Variants in R3HDM1 observed in about 807,000 individuals in gnomAD.
R3HDM1 encodes R3H domain containing 1, also known as R3H domain-containing protein 1.
R3HDM1 carries 46 observed loss-of-function variants against 141.1 expected under a neutral mutation model. The ratio of observed to expected loss-of-function variants is 0.33; its 90% CI spans 0.26 to 0.42. R3HDM1 has a LOEUF of 0.42. R3HDM1 is among the 10% of genes least tolerant of loss of function. R3HDM1 has a pLI of 1.00. For missense variants in R3HDM1, 1,184 were observed against 1,368.3 expected, an observed-to-expected ratio of 0.87 and a Z score of 2.12; for synonymous variants, 435 against 472.9, an observed-to-expected ratio of 0.92 and a Z score of 1.04.
At chr2:135,683,704 A>G (rs2070757246) in intron 21 of R3HDM1, among the ~76,000 whole-genome samples, 1 of 152,140 alleles carries the variant, frequency 6.6e-6, no homozygotes. Context: ...TCACCATAAT[A>G]TTTCAAGTTT....
At chr2:135,663,640 C>G (rs1396960722) in intron 19 of R3HDM1, among the ~76,000 whole-genome samples, 5 of 152,090 alleles carry the variant, frequency 3.3e-5, no homozygotes, top group Non-Finnish European at 4.4e-5. Context: ...TGTATTGAAC[C>G]TTTTCATAGA....
intron 1 of R3HDM1, among the ~76,000 whole-genome samples, chr2:135,575,196 A>T (rs1201189814): frequency 1.3e-5 from 2 of 152,198 alleles, no homozygotes; most frequent in Non-Finnish European, 2.9e-5. Flanking sequence ...AAAAATTCAA[A>T]ATACCTCGAC....
intron 15 of R3HDM1, among the ~76,000 whole-genome samples, chr2:135,644,546 C>T (rs4954275): frequency 0.16 from 25,072 of 152,036 alleles, 2,723 homozygotes; most frequent in South Asian, 0.32. Flanking sequence ...AGGACAGTAC[C>T]ATCAAGTTTA....
At chr2:135,616,576 C>G in intron 4 of R3HDM1, 92 bp from the exon 5 acceptor site, 1 of 1,082,652 alleles carries the variant, frequency 9.2e-7, no homozygotes, top group Non-Finnish European at 1.3e-6. Flanking sequence ...ATGGCAGAAA[C>G]TATAAAGAAA....
At chr2:135,581,068 C>A in intron 1 of R3HDM1, 1 of 528,016 alleles carries the variant, frequency 1.9e-6, no homozygotes, top group South Asian at 8.3e-5. Context: ...ATGCTTATAT[C>A]TTATACTAGA....
intron 23 of R3HDM1, among the ~76,000 whole-genome samples, chr2:135,715,186 A>G (rs2076043669): frequency 6.6e-6 from 1 of 152,142 alleles, no homozygotes; most frequent in African/African-American, 2.4e-5. Context: ...CATCTCTACT[A>G]AAAATACAAA....
At chr2:135,604,293 A>G (rs138121306) in intron 2 of R3HDM1, among the ~76,000 whole-genome samples, 2 of 152,246 alleles carry the variant, frequency 1.3e-5, no homozygotes, top group African/African-American at 2.4e-5. Context: ...AAAAGCTATT[A>G]TAGGTATCCC....
At chr2:135,615,194 ACT>A (rs989192775) in intron 3 of R3HDM1, among the ~76,000 whole-genome samples, 3 of 150,664 alleles carry the variant, frequency 2.0e-5, no homozygotes, top group East Asian at 1.9e-4. Flanking sequence ...GGTACTGTAG[ACT>A]CTTGTTTCTG....
intron 21 of R3HDM1, among the ~76,000 whole-genome samples, chr2:135,687,756 A>G (rs2071607482): frequency 1.3e-5 from 2 of 152,232 alleles, no homozygotes; most frequent in Admixed American, 1.3e-4. Flanking sequence ...GGCTCGTCAA[A>G]CCAATACCTT....
At chr2:135,698,924 G>A (rs1389299174) in intron 21 of R3HDM1, among the ~76,000 whole-genome samples, 2 of 151,380 alleles carry the variant, frequency 1.3e-5, no homozygotes, top group Non-Finnish European at 2.9e-5. Context: ...CCAGCGTTGG[G>A]GATTACATTG....
chr2:135,602,377 T>C (rs936456251), intron 1 of R3HDM1, 123 bp from the exon 2 acceptor site: 21 of 650,134 alleles, frequency 3.2e-5, no homozygotes, highest in Non-Finnish European at 4.2e-5. Flanking sequence ...GTTCTGACTT[T>C]CGTTTAGGAA....
In R3HDM1 at chr2:135,636,075, C is replaced by A; in HGVS notation, c.808-13C>A. ...GTAGTTCATTTGCCTAAAAATTATC[C>A]TCTTTTCTGTAGATGAGAATACGTT... On this transcript the variant is annotated splice_polypyrimidine_tract_variant and intron_variant, in intron 10 of 26. Transcript: ENST00000683871. The A allele has an allele frequency of 6.2e-7, 1 of 1,611,260 alleles. No homozygotes were observed. Among genetic ancestry groups the A allele is most frequent in the Non-Finnish European group, 8.5e-7 (1 of 1,178,916 alleles).
intron 19 of R3HDM1, among the ~76,000 whole-genome samples, chr2:135,663,891 G>A (rs371256680): frequency 2.0e-5 from 3 of 152,042 alleles, no homozygotes; most frequent in East Asian, 1.9e-4. Context: ...AAAATTAGCC[G>A]GGCATGGTGG....
intron 19 of R3HDM1, among the ~76,000 whole-genome samples, chr2:135,672,739 G>C (rs931548494): frequency 5.7e-4 from 86 of 152,086 alleles, no homozygotes; most frequent in African/African-American, 1.8e-3. Flanking sequence ...GCGTGTGTTT[G>C]TGTGTGTGCT....
chr2:135,613,383 C>T (rs373766708), intron 3 of R3HDM1, among the ~76,000 whole-genome samples: 4 of 152,304 alleles, frequency 2.6e-5, no homozygotes, highest in Admixed American at 2.6e-4. Context: ...GTCCTTCTCA[C>T]GCTTTAAATC....
chr2:135,715,791 T>TAATGATTCGGCGA, intron 24 of R3HDM1, 97 bp downstream of exon 24: 1 of 1,428,982 alleles, frequency 7.0e-7, no homozygotes, highest in Non-Finnish European at 9.5e-7. Context: ...CTTTCTATTT[T>TAATGATTCGGCGA]CCATAGAGCT....
chr2:135,651,673 G>A (rs2065165312), intron 17 of R3HDM1, 57 bp from the exon 18 acceptor site: 1 of 1,501,390 alleles, frequency 6.7e-7, no homozygotes, highest in Admixed American at 2.2e-5. Flanking sequence ...ATTTTTCTTT[G>A]ATAAGTTTGG....
In R3HDM1 at chr2:135,698,980, CAGATAGAT is replaced by C. The variant is rs71400533; in HGVS notation, c.2460-10395_2460-10388del. On this transcript the variant is annotated intron_variant, in intron 21 of 26. Coordinates refer to ENST00000683871, the MANE Select transcript of R3HDM1 (RefSeq NM_001378107.1). ...ACACACATCCAAACAATATTACACT[CAGATAGAT>C]AGATAGATAGATAGATAGATAGATA... is the stretch of plus-strand genomic sequence containing the variant. Among the ~76,000 whole-genome samples the C allele has an allele frequency of 6.0e-3, 467 of 78,182 alleles. 7 individuals are homozygous for C. Among genetic ancestry groups the C allele is most frequent in the African/African-American group, 0.019 (391 of 20,712 alleles). The allele number at this position is 78,182 out of a possible 152,430, so 51.3% of individuals were successfully genotyped here. A position where few individuals can be genotyped will look rare whatever the true frequency, so the allele number is the denominator to read the frequency against.
chr2:135,641,471 T>C, intron 14 of R3HDM1, 65 bp from the exon 15 acceptor site: 1 of 1,486,236 alleles, frequency 6.7e-7, no homozygotes, highest in Non-Finnish European at 9.1e-7. Context: ...TTATTGTTGT[T>C]TTAAAAACCT....
Sources: allele counts gnomAD v4.1 joint callset (sites outside exome capture counted in the v4.1 genomes callset), GRCh38; gene constraint gnomAD v4.1.1; transcripts MANE v1.5; gene names NCBI Gene and HGNC (gene_info 2026-07-23, HGNC 2026-07-21).